Variants in GNAQ observed in about 807,000 individuals in gnomAD.
GNAQ encodes the protein guanine nucleotide-binding protein G(q) subunit alpha.
In GNAQ, 8 loss-of-function variants were observed where a neutral mutation model predicts 43.9. The ratio of observed to expected loss-of-function variants is 0.18; its 90% CI spans 0.11 to 0.33. GNAQ has a LOEUF of 0.33. GNAQ is among the 10% of genes least tolerant of loss of function. The pLI is 1.00. For synonymous variants in GNAQ, 155 were observed against 170.7 expected, an observed-to-expected ratio of 0.91 and a Z score of 0.71; for missense variants, 158 against 450.8, an observed-to-expected ratio of 0.35 and a Z score of 5.88.
intron 2 of GNAQ, among the ~76,000 whole-genome samples, chr9:77,901,718 G>C (rs1226135578): frequency 6.6e-6 from 1 of 152,198 alleles, no homozygotes; most frequent in Non-Finnish European, 1.5e-5. Flanking sequence ...TTTCAGTCTA[G>C]TTACAGTCTC....
At chr9:77,984,254 C>T (rs906525063) in intron 1 of GNAQ, among the ~76,000 whole-genome samples, 3 of 151,174 alleles carry the variant, frequency 2.0e-5, no homozygotes, top group East Asian at 2.0e-4. Flanking sequence ...ACTGCAGCCT[C>T]GACCTCCTGG....
intron 1 of GNAQ, among the ~76,000 whole-genome samples, chr9:77,946,701 A>G (rs1229252812): frequency 6.6e-6 from 1 of 152,240 alleles, no homozygotes; most frequent in African/African-American, 2.4e-5. Context: ...TTACACAATA[A>G]CAGTGTATTT....
At chr9:77,928,199 T>G (rs1478287117) in intron 1 of GNAQ, among the ~76,000 whole-genome samples, 1 of 152,228 alleles carries the variant, frequency 6.6e-6, no homozygotes, top group African/African-American at 2.4e-5. Flanking sequence ...CTGCACATTT[T>G]CCTCTACTTA....
chr9:78,016,668 C>A (rs1331170934), intron 1 of GNAQ, among the ~76,000 whole-genome samples: 2 of 144,856 alleles, frequency 1.4e-5, no homozygotes, highest in African/African-American at 2.6e-5. Context: ...GGCGACAGAG[C>A]AAGACTCTGT....
Position 77,971,842 on chromosome 9 carries a change from C to T in GNAQ, c.137-49497G>A, listed in dbSNP as rs945485204. Among the ~76,000 whole-genome samples the T allele has an allele frequency of 3.3e-5, 5 of 152,280 alleles. No homozygotes were observed. The East Asian group carries it at 5.8e-4, about 18-fold the overall frequency. On this transcript the variant is annotated intron_variant, in intron 1 of 6. Coordinates refer to ENST00000286548, the MANE Select transcript of GNAQ (RefSeq NM_002072.5). ...TATTCCTGAGCAGTGGTTTGTAGTT[C>T]TCCTTGAAGAGGTCCTTCACATCCC... is the stretch of plus-strand genomic sequence containing the variant.
At chr9:77,729,336 A>G (rs1475381063) in intron 5 of GNAQ, among the ~76,000 whole-genome samples, 1 of 152,176 alleles carries the variant, frequency 6.6e-6, no homozygotes, top group African/African-American at 2.4e-5. Context: ...TAAAAATGTA[A>G]TATTTCTCAC....
chr9:77,743,023 G>T (rs1034777326), intron 5 of GNAQ, among the ~76,000 whole-genome samples: 4 of 152,196 alleles, frequency 2.6e-5, no homozygotes, highest in Non-Finnish European at 4.4e-5. Context: ...ACTTTGGGAG[G>T]CCAAGGTGGG....
intron 5 of GNAQ, among the ~76,000 whole-genome samples, chr9:77,739,956 T>A (rs1825629293): frequency 6.6e-6 from 1 of 152,146 alleles, no homozygotes; most frequent in East Asian, 1.9e-4. Context: ...GAAGATTTGA[T>A]CTAGCTAATA....
At chr9:77,811,945 G>A (rs560501313) in intron 3 of GNAQ, among the ~76,000 whole-genome samples, 7 of 152,164 alleles carry the variant, frequency 4.6e-5, no homozygotes, top group African/African-American at 1.7e-4. Flanking sequence ...AAAAAATGAA[G>A]GAAACAAACC....
At chr9:77,972,951 C>A (rs11145642) in intron 1 of GNAQ, among the ~76,000 whole-genome samples, 6 of 117,332 alleles carry the variant, frequency 5.1e-5, no homozygotes, top group Non-Finnish European at 6.8e-5. Flanking sequence ...AAGACTCCAT[C>A]TCAAAAAAAA....
intron 2 of GNAQ, among the ~76,000 whole-genome samples, chr9:77,822,453 TAG>T (rs1172843818): frequency 6.6e-6 from 1 of 152,146 alleles, no homozygotes; most frequent in Non-Finnish European, 1.5e-5. Context: ...CTAATCATTT[TAG>T]TCCTTTGTAA....
intron 2 of GNAQ, among the ~76,000 whole-genome samples, chr9:77,838,015 G>A (rs1189948753): frequency 2.6e-5 from 4 of 151,654 alleles, no homozygotes; most frequent in East Asian, 1.9e-4. Context: ...GCGCCACCAC[G>A]CCCAGCTAAT....
chr9:77,813,714 A>C (rs919382345), intron 3 of GNAQ, among the ~76,000 whole-genome samples: 21 of 152,130 alleles, frequency 1.4e-4, no homozygotes, highest in African/African-American at 5.1e-4. Flanking sequence ...GCACATAATT[A>C]CTAGATAATG....
Position 77,719,953 on chromosome 9 carries a change from G to A in GNAQ, c.*1370C>T, listed in dbSNP as rs1425395152. On this transcript the variant is annotated 3_prime_UTR_variant, in exon 7 of 7. Transcript: ENST00000286548. ...GAACTTCAGATTTTGGAAATTAAAG[G>A]TGTCGGAATAATACTACCAACCAAT... The A allele has an allele frequency of 4.3e-6, 1 of 232,324 alleles. No individual in the cohort carries two copies. Among genetic ancestry groups the A allele is most frequent in the Non-Finnish European group, 8.5e-6 (1 of 117,610 alleles). 14.4% of individuals were successfully genotyped at this position (232,324 alleles called of 1,614,324 possible). A position where few individuals can be genotyped will look rare whatever the true frequency, so the allele number is the denominator to read the frequency against.
At chr9:77,762,525 C>T (rs1312438075) in intron 5 of GNAQ, among the ~76,000 whole-genome samples, 1 of 149,046 alleles carries the variant, frequency 6.7e-6, no homozygotes, top group Non-Finnish European at 1.5e-5. Flanking sequence ...AGGTGAGGGG[C>T]GCCTCTGCCC....
chr9:77,780,108 T>C (rs1826370876), intron 5 of GNAQ, among the ~76,000 whole-genome samples: 1 of 151,994 alleles, frequency 6.6e-6, no homozygotes, highest in Non-Finnish European at 1.5e-5. Flanking sequence ...ATCTCAAATG[T>C]ATATCATTTC....
intron 5 of GNAQ, among the ~76,000 whole-genome samples, chr9:77,792,885 C>G (rs749244444): frequency 6.6e-6 from 1 of 151,956 alleles, no homozygotes; most frequent in Non-Finnish European, 1.5e-5. Flanking sequence ...CTTACCTTTC[C>G]CCCTATGGCT....
intron 5 of GNAQ, among the ~76,000 whole-genome samples, chr9:77,770,585 C>A (rs1272555221): frequency 6.6e-6 from 1 of 152,228 alleles, no homozygotes; most frequent in Non-Finnish European, 1.5e-5. Context: ...TGTGAACTAG[C>A]ATCTGAAATT....
intron 3 of GNAQ, among the ~76,000 whole-genome samples, chr9:77,802,245 G>A (rs775385021): frequency 4.6e-5 from 7 of 151,984 alleles, no homozygotes; most frequent in African/African-American, 1.4e-4. Flanking sequence ...GCTGCTGCCC[G>A]CATAACCCCC....
Sources: allele counts gnomAD v4.1 joint callset (sites outside exome capture counted in the v4.1 genomes callset), GRCh38; gene constraint gnomAD v4.1.1; transcripts MANE v1.5; gene names NCBI Gene and HGNC (gene_info 2026-07-23, HGNC 2026-07-21).